The following PPIG variants were observed in gnomAD, a reference collection of about 807,000 sequenced individuals.
The protein encoded by PPIG is peptidyl-prolyl cis-trans isomerase G.
In PPIG, 26 loss-of-function variants were observed where a neutral mutation model predicts 87.9. That is an observed-to-expected ratio of 0.30 (90% confidence interval 0.22 to 0.41). The LOEUF (loss-of-function observed/expected upper bound fraction) is 0.41, where lower values mean the gene tolerates loss of function less well. Among genes scored for constraint, PPIG ranks in the 10% least tolerant of loss-of-function variants. The pLI is 1.00. For missense variants in PPIG, 722 were observed against 879.4 expected, an observed-to-expected ratio of 0.82 and a Z score of 2.26; for synonymous variants, 308 against 276.5, an observed-to-expected ratio of 1.11 and a Z score of -1.13.
intron 9 of PPIG, among the ~76,000 whole-genome samples, chr2:169,629,327 T>C (rs755695615): frequency 1.3e-5 from 2 of 152,214 alleles, no homozygotes; most frequent in Non-Finnish European, 2.9e-5. Flanking sequence ...AAGATGATTC[T>C]TAAAAACAGT....
chr2:169,629,662 A>G (rs16857089), intron 9 of PPIG, among the ~76,000 whole-genome samples: 5,739 of 152,316 alleles, frequency 0.038, 367 homozygotes, highest in African/African-American at 0.13. Flanking sequence ...GTGACTTGAA[A>G]TTCCTTTTAA....
rs892689066 is a variant in PPIG at position 169,607,241 on chromosome 2, G to T, written c.289+93G>T. On this transcript the variant is annotated intron_variant, in intron 6 of 13. Transcript: ENST00000260970. ...AATCAATAACATTATTCATTAAAGGGTATACTAATGTCTAGCTGCCTTCAA... is the reference window on the plus strand; with the variant it reads ...AATCAATAACATTATTCATTAAAGGTTATACTAATGTCTAGCTGCCTTCAA... The T allele has an allele frequency of 5.1e-6, 4 of 785,372 alleles. No individual in the cohort carries two copies. The African/African-American group carries it at 5.4e-5, about 11-fold the overall frequency. 48.7% of individuals were successfully genotyped at this position (785,372 alleles called of 1,614,324 possible).
chr2:169,626,467 C>T (rs1371983902), intron 9 of PPIG, among the ~76,000 whole-genome samples: 1 of 151,878 alleles, frequency 6.6e-6, no homozygotes, highest in Non-Finnish European at 1.5e-5. Flanking sequence ...AATCTCAGCT[C>T]ACTGCAACCT....
At chr2:169,590,072 G>T (rs964584180) in intron 1 of PPIG, among the ~76,000 whole-genome samples, 1 of 150,464 alleles carries the variant, frequency 6.6e-6, no homozygotes, top group Non-Finnish European at 1.5e-5. Flanking sequence ...TTGCACCATT[G>T]CACTCCAGCC....
intron 12 of PPIG, among the ~76,000 whole-genome samples, chr2:169,634,604 G>A (rs6433130): frequency 0.016 from 2,497 of 152,116 alleles, 71 homozygotes; most frequent in African/African-American, 0.057. Context: ...TTTTAGTGAC[G>A]GGCACCACCA....
chr2:169,628,384 G>A (rs1685951296), intron 9 of PPIG, among the ~76,000 whole-genome samples: 1 of 152,156 alleles, frequency 6.6e-6, no homozygotes, highest in Non-Finnish European at 1.5e-5. Flanking sequence ...CTCAAGTGCA[G>A]CAACATCTCA....
chr2:169,618,322 G>A (rs1045231566), intron 9 of PPIG, among the ~76,000 whole-genome samples: 1 of 152,000 alleles, frequency 6.6e-6, no homozygotes, highest in Non-Finnish European at 1.5e-5. Flanking sequence ...TTCTTTTTTT[G>A]TTGTGTCTCT....
intron 9 of PPIG, among the ~76,000 whole-genome samples, chr2:169,624,448 A>C (rs1685831738): frequency 1.3e-5 from 2 of 152,172 alleles, no homozygotes; most frequent in Non-Finnish European, 2.9e-5. Flanking sequence ...TACTCTTTGT[A>C]ATTCTTTTTC....
intron 9 of PPIG, among the ~76,000 whole-genome samples, chr2:169,627,985 T>C (rs188110300): frequency 5.9e-5 from 9 of 152,256 alleles, no homozygotes; most frequent in African/African-American, 1.9e-4. Context: ...TTTGATTTTT[T>C]CCCCCTGCAT....
In PPIG at chr2:169,630,835, C is replaced by T; in HGVS notation, c.609C>T (p.Asp203=). 1 of 1,612,940 alleles carries T rather than the reference C, an allele frequency of 6.2e-7. No individual in the cohort carries two copies. The highest frequency in any genetic ancestry group is 8.5e-7 in the Non-Finnish European group (1 of 1,179,516). The part of the protein sequence containing the change: ...SSSSSSSSSS[D]SDSSSDSQSS... ...CATCTTCCTCCTCCTCATCTAGTGA[C>T]TCAGATAGCTCAAGTGATTCTCAGT... The change falls in exon 10 of 14, where the codon GAC becomes GAT. Residue 203 remains aspartate (D), a synonymous_variant. Transcript: ENST00000260970.
intron 7 of PPIG, among the ~76,000 whole-genome samples, chr2:169,610,069 T>C (rs1261993900): frequency 1.3e-5 from 2 of 152,222 alleles, no homozygotes; most frequent in East Asian, 1.9e-4. Flanking sequence ...TCCTATCTTA[T>C]GGGTATAGGT....
intron 1 of PPIG, among the ~76,000 whole-genome samples, chr2:169,591,920 ATTTTTTTT>A (rs3067016): frequency 9.0e-4 from 79 of 87,408 alleles, no homozygotes; most frequent in Non-Finnish European, 1.1e-3. Flanking sequence ...GCAATTCATG[ATTTTTTTT>A]TTTTTTTTTT....
Position 169,631,889 on chromosome 2 carries a change from TGAG to T in PPIG, c.886_888del (p.Glu296del). The stretch of plus-strand genomic sequence containing the variant: ...TGAGAAAAAGTCCTCCTAAAGCTGA[TGAG>T]AAGGAAAGGAAAAACAGAGAGAGAG... On this transcript the variant is annotated inframe_deletion, in exon 11 of 14. Transcript: ENST00000260970. 6.2e-7 allele frequency: 1 copy of T among 1,608,856 alleles called. No homozygotes were observed. The highest frequency in any genetic ancestry group is 2.2e-5 in the East Asian group (1 of 44,800).
chr2:169,591,920 A>ATTTTTTTTTTTTTTTTTT (rs3067016), intron 1 of PPIG, among the ~76,000 whole-genome samples: 1 of 87,408 alleles, frequency 1.1e-5, no homozygotes, highest in Admixed American at 1.7e-4. Context: ...GCAATTCATG[A>ATTTTTTTTTTTTTTTTTT]TTTTTTTTTT....
chr2:169,631,682 A>C, intron 10 of PPIG, 84 bp from the exon 11 acceptor site: 1 of 1,593,466 alleles, frequency 6.3e-7, no homozygotes, highest in Non-Finnish European at 8.5e-7. Context: ...AGTGATATAA[A>C]GGAAAGAAAT....
chr2:169,637,231 C>G lies in PPIG; in HGVS notation c.1973C>G (p.Ser658Cys), dbSNP rs112916169. 21 of 1,613,262 alleles carry G rather than the reference C, an allele frequency of 1.3e-5. No homozygotes were observed. The highest frequency in any genetic ancestry group is 6.7e-5 in the African/African-American group (5 of 74,936). ...ESKSSHRKEN[S>C]ESEKRMYSKS... is the part of the protein sequence containing the mutation. Reference sequence around the variant, plus strand: ...AAGAGCTCACACAGAAAAGAAAATTCTGAGAGTGAGAAAAGAATGTACTCT... The same window carrying G: ...AAGAGCTCACACAGAAAAGAAAATTGTGAGAGTGAGAAAAGAATGTACTCT... The change falls in exon 14 of 14, where the codon TCT becomes TGT. Residue 658 changes from serine (S) to cysteine (C), a missense_variant. Around this residue, in one of 4 missense-constraint regions of PPIG, gnomAD observed 476 missense variants for 483.1 expected, o/e 0.99. Coordinates refer to ENST00000260970, the MANE Select transcript of PPIG (RefSeq NM_004792.3).
intron 1 of PPIG, among the ~76,000 whole-genome samples, chr2:169,597,042 G>A (rs940516687): frequency 1.4e-4 from 22 of 152,054 alleles, no homozygotes; most frequent in African/African-American, 5.1e-4. Flanking sequence ...AGATACTTAA[G>A]TTACTTCCAA....
chr2:169,627,922 T>A (rs1377775818), intron 9 of PPIG, among the ~76,000 whole-genome samples: 2 of 152,106 alleles, frequency 1.3e-5, no homozygotes, highest in Non-Finnish European at 2.9e-5. Context: ...CTTGCACAAT[T>A]TTATGTTTTT....
chr2:169,604,083 T>C lies in PPIG; in HGVS notation c.42T>C (p.Ile14=), dbSNP rs146657630. ...KVQRPRCFFD[I]AINNQPAGRV... is the part of the protein sequence containing the mutation. The stretch of plus-strand genomic sequence containing the variant: ...AACGTCCTCGATGTTTTTTTGACAT[T>C]GCCATTAACAATCAACCTGGTAAGA... Residue 14 remains isoleucine (I), a synonymous_variant, in exon 3 of 14, where the codon ATT becomes ATC. Coordinates refer to ENST00000260970, the MANE Select transcript of PPIG (RefSeq NM_004792.3). 153 of 1,613,652 alleles carry C rather than the reference T, an allele frequency of 9.5e-5. 2 individuals carry two copies. The highest frequency in any genetic ancestry group is 8.5e-4 in the South Asian group (77 of 91,080).
Sources: allele counts gnomAD v4.1 joint callset (sites outside exome capture counted in the v4.1 genomes callset), GRCh38; gene constraint gnomAD v4.1.1; regional missense constraint gnomAD v4.1.1; transcripts MANE v1.5; gene names NCBI Gene and HGNC (gene_info 2026-07-23, HGNC 2026-07-21).